VPS41: variants seen among roughly 807,000 people sequenced by gnomAD.
VPS41 encodes VPS41 subunit of HOPS complex, also known as vacuolar protein sorting-associated protein 41 homolog.
Under a neutral mutation model 130.9 loss-of-function variants are expected in VPS41, and 85 were observed. The ratio of observed to expected loss-of-function variants is 0.65; its 90% CI spans 0.55 to 0.78. The LOEUF is 0.78. Ranked by LOEUF, VPS41 falls within the 30% of genes least tolerant of loss-of-function variation. The probability of loss-of-function intolerance (pLI) is 0.00; values close to 1 mark genes in which losing one functional copy is unlikely to be tolerated. For synonymous variants in VPS41, 335 were observed against 332.9 expected (o/e 1.01, Z -0.07); for missense variants, 874 against 1,018.7 (o/e 0.86, Z 1.93).
At chr7:38,843,430 C>T (rs1250641225) in intron 4 of VPS41, among the ~76,000 whole-genome samples, 2 of 152,142 alleles carry the variant, frequency 1.3e-5, no homozygotes, top group Non-Finnish European at 2.9e-5. Flanking sequence ...TGCCTGTAAT[C>T]CCAGCACTTT....
At chr7:38,728,260 G>A (rs1430345809) in intron 27 of VPS41, 12 of 591,740 alleles carry the variant, frequency 2.0e-5, no homozygotes, top group Non-Finnish European at 1.5e-5. Context: ...TGCCCTGGAA[G>A]TTTGGAACCA....
intron 4 of VPS41, among the ~76,000 whole-genome samples, chr7:38,852,705 C>G (rs1202139454): frequency 1.3e-5 from 2 of 152,202 alleles, no homozygotes; most frequent in Non-Finnish European, 2.9e-5. Context: ...GAAGTATACA[C>G]TACCATTTTG....
At chr7:38,885,134 C>T (rs1786694771) in intron 2 of VPS41, among the ~76,000 whole-genome samples, 1 of 152,092 alleles carries the variant, frequency 6.6e-6, no homozygotes, top group Non-Finnish European at 1.5e-5. Flanking sequence ...AGTGCAGTGG[C>T]ACAATCTCGG....
At chr7:38,885,305 C>T (rs1370112413) in intron 2 of VPS41, among the ~76,000 whole-genome samples, 5 of 152,180 alleles carry the variant, frequency 3.3e-5, no homozygotes, top group African/African-American at 9.7e-5. Flanking sequence ...GATCTCCCCA[C>T]CTCATAATCC....
intron 4 of VPS41, among the ~76,000 whole-genome samples, chr7:38,852,631 A>C (rs942222685): frequency 6.6e-6 from 1 of 152,212 alleles, no homozygotes; most frequent in Admixed American, 6.5e-5. Context: ...CCAAATAAAT[A>C]AGTTCTAGAG....
intron 4 of VPS41, among the ~76,000 whole-genome samples, chr7:38,859,329 T>C (rs929067337): frequency 6.6e-6 from 1 of 152,140 alleles, no homozygotes; most frequent in Non-Finnish European, 1.5e-5. Flanking sequence ...TTAGCCTAAG[T>C]GTACAGGGTT....
At chr7:38,881,514 C>T (rs1209524954) in intron 2 of VPS41, among the ~76,000 whole-genome samples, 1 of 152,102 alleles carries the variant, frequency 6.6e-6, no homozygotes, top group African/African-American at 2.4e-5. Context: ...ATTATTCTGC[C>T]TGTTACAGAG....
intron 1 of VPS41, among the ~76,000 whole-genome samples, chr7:38,903,576 T>G (rs1787190767): frequency 6.6e-6 from 1 of 152,122 alleles, no homozygotes; most frequent in Non-Finnish European, 1.5e-5. Flanking sequence ...TGCCTGGAGG[T>G]ACATGTGAAC....
intron 25 of VPS41, among the ~76,000 whole-genome samples, chr7:38,735,707 C>A (rs1562565362): frequency 1.3e-5 from 2 of 152,198 alleles, no homozygotes; most frequent in Non-Finnish European, 2.9e-5. Flanking sequence ...TACTGTCTGA[C>A]ACAGGAGGTA....
At chr7:38,730,361 G>C (rs1795638859) in intron 25 of VPS41, among the ~76,000 whole-genome samples, 1 of 152,190 alleles carries the variant, frequency 6.6e-6, no homozygotes, top group Non-Finnish European at 1.5e-5. Context: ...CACTGGCTTT[G>C]GGTGAATCCA....
chr7:38,810,573 C>T (rs1389442010), intron 7 of VPS41, among the ~76,000 whole-genome samples: 1 of 152,114 alleles, frequency 6.6e-6, no homozygotes, highest in Non-Finnish European at 1.5e-5. Flanking sequence ...AGTCTCTGTG[C>T]CACTTTAACC....
At chr7:38,891,381 T>C (rs535995605) in intron 2 of VPS41, among the ~76,000 whole-genome samples, 2 of 152,356 alleles carry the variant, frequency 1.3e-5, no homozygotes, top group East Asian at 1.9e-4. Flanking sequence ...TGGCCTTGTA[T>C]GCTTTTCCTT....
At chr7:38,748,050 C>T (rs1458617895) in intron 22 of VPS41, among the ~76,000 whole-genome samples, 1 of 152,108 alleles carries the variant, frequency 6.6e-6, no homozygotes, top group Non-Finnish European at 1.5e-5. Flanking sequence ...TTAAATTATC[C>T]TCTTCTCACA....
At chr7:38,767,688 G>A in intron 14 of VPS41, 90 bp from the exon 15 acceptor site, 1 of 856,790 alleles carries the variant, frequency 1.2e-6, no homozygotes, top group Non-Finnish European at 1.9e-6. Flanking sequence ...TAACATTAGG[G>A]TCCTATTAGC....
intron 7 of VPS41, among the ~76,000 whole-genome samples, chr7:38,799,197 C>T (rs536732620): frequency 2.0e-5 from 3 of 152,268 alleles, no homozygotes; most frequent in African/African-American, 7.2e-5. Flanking sequence ...TAATCCCCAA[C>T]TTGTGACTCC....
intron 22 of VPS41, chr7:38,746,020 G>A (rs2115663338): frequency 5.8e-6 from 1 of 170,988 alleles, no homozygotes; most frequent in East Asian, 1.9e-4. Context: ...GTTGCTCATG[G>A]TTGAACTTTT....
intron 3 of VPS41, among the ~76,000 whole-genome samples, chr7:38,863,858 G>A (rs190757340): frequency 2.0e-5 from 3 of 152,286 alleles, no homozygotes; most frequent in African/African-American, 7.2e-5. Flanking sequence ...ATGCTTGGGC[G>A]CTGGAAGGGA....
intron 5 of VPS41, among the ~76,000 whole-genome samples, chr7:38,822,165 T>C (rs1785184230): frequency 6.6e-6 from 1 of 150,744 alleles, no homozygotes; most frequent in Admixed American, 6.7e-5. Flanking sequence ...TTCTGAGTGC[T>C]TTACTTAACA....
chr7:38,907,002 T>C (rs980376645), intron 1 of VPS41, among the ~76,000 whole-genome samples: 2 of 151,988 alleles, frequency 1.3e-5, no homozygotes, highest in Admixed American at 1.3e-4. Context: ...TTCTAGGTAT[T>C]GGACATACAG....
Sources: allele counts gnomAD v4.1 joint callset (sites outside exome capture counted in the v4.1 genomes callset), GRCh38; gene constraint gnomAD v4.1.1; transcripts MANE v1.5; gene names NCBI Gene and HGNC (gene_info 2026-07-23, HGNC 2026-07-21).